Variants in ANK1 observed in about 807,000 individuals in gnomAD.
ANK1 encodes the protein ankyrin-1.
In ANK1, 51 loss-of-function variants were observed where a neutral mutation model predicts 210.4. The ratio of observed to expected loss-of-function variants is 0.24; its 90% CI spans 0.19 to 0.31. ANK1 has a LOEUF of 0.31. Among genes scored for constraint, ANK1 ranks in the 10% least tolerant of loss-of-function variants. The pLI, the probability that ANK1 is intolerant of heterozygous loss-of-function variation, is 1.00. For synonymous variants in ANK1, 967 were observed against 1,025.9 expected (o/e 0.94, Z 1.10); for missense variants, 2,051 against 2,504.4 (o/e 0.82, Z 3.86).
chr8:41,715,071 C>G lies in ANK1; in HGVS notation c.1606G>C (p.Gly536Arg). ...GCCGCCACGTGCAGAGGGGTAAATC[C>G]TTTCTGAGGAGAAACAGGCTGTCAG... ...EASQACMTKK[G>R]FTPLHVAAKY... is the part of the protein sequence containing the mutation. Residue 536 changes from glycine to arginine, a missense_variant, in exon 15 of 43, where the codon GGA (glycine) becomes CGA (arginine). Physicochemically the swap from Gly to Arg is moderately radical, Grantham distance 125. This residue lies in a region of ANK1 where 1,413 missense variants were observed against 1,707.4 expected (regional missense o/e 0.83). Transcript: ENST00000289734. The G allele has an allele frequency of 6.2e-7, 1 of 1,614,108 alleles. No individual in the cohort carries two copies. The highest frequency in any genetic ancestry group is 8.5e-7 in the Non-Finnish European group (1 of 1,180,004).
At chr8:41,661,825 A>G in intron 41 of ANK1, 51 bp downstream of exon 41, 1 of 1,614,042 alleles carries the variant, frequency 6.2e-7, no homozygotes, top group Non-Finnish European at 8.5e-7. Flanking sequence ...TAAAGTAATC[A>G]ATATCGACCT....
At chr8:41,690,158 G>A in intron 33 of ANK1, 69 bp downstream of exon 33, 1 of 1,608,590 alleles carries the variant, frequency 6.2e-7, no homozygotes, top group Non-Finnish European at 8.5e-7. Context: ...GCTGGACCTG[G>A]GGTCTGTTTG....
intron 1 of ANK1, among the ~76,000 whole-genome samples, chr8:41,864,978 C>G (rs542363322): frequency 6.6e-6 from 1 of 152,340 alleles, no homozygotes; most frequent in Non-Finnish European, 1.5e-5. Context: ...CAAGAGGGGA[C>G]CAGCCACAAA....
intron 1 of ANK1, among the ~76,000 whole-genome samples, chr8:41,895,478 A>G (rs572650746): frequency 6.6e-6 from 1 of 152,268 alleles, no homozygotes; most frequent in Non-Finnish European, 1.5e-5. Context: ...GATCAGGGGT[A>G]AGAGGACCCC....
At chr8:41,871,902 G>A (rs1815579743) in intron 1 of ANK1, among the ~76,000 whole-genome samples, 1 of 152,222 alleles carries the variant, frequency 6.6e-6, no homozygotes, top group Non-Finnish European at 1.5e-5. Context: ...AAGCAGACCT[G>A]AAAGCCCCTC....
At chr8:41,894,876 ACT>A (rs1249367310) in intron 1 of ANK1, among the ~76,000 whole-genome samples, 1 of 147,524 alleles carries the variant, frequency 6.8e-6, no homozygotes, top group Admixed American at 6.7e-5. Flanking sequence ...ACCAACCCAA[ACT>A]CTGATTCATC....
At chr8:41,732,645 G>A (rs564450564) in intron 3 of ANK1, among the ~76,000 whole-genome samples, 4 of 151,586 alleles carry the variant, frequency 2.6e-5, no homozygotes, top group Admixed American at 6.6e-5. Context: ...ACTCCTAACC[G>A]CAGATGATCT....
At chr8:41,697,346 A>T (rs1563468235) in intron 24 of ANK1, among the ~76,000 whole-genome samples, 1 of 152,204 alleles carries the variant, frequency 6.6e-6, no homozygotes, top group Non-Finnish European at 1.5e-5. Context: ...GCCCTGGCAC[A>T]GCCAGCAGCA....
At chr8:41,834,899 C>G (rs575670360) in intron 1 of ANK1, among the ~76,000 whole-genome samples, 3 of 152,354 alleles carry the variant, frequency 2.0e-5, no homozygotes, top group Admixed American at 2.0e-4. Flanking sequence ...CTACTGCTCA[C>G]CTCTTGCCAT....
intron 1 of ANK1, among the ~76,000 whole-genome samples, chr8:41,844,543 G>A (rs1221607509): frequency 6.6e-6 from 1 of 152,076 alleles, no homozygotes; most frequent in Non-Finnish European, 1.5e-5. Context: ...TGCCACAGGG[G>A]GGCGGGCAGC....
At chr8:41,876,346 T>C (rs977780646) in intron 1 of ANK1, among the ~76,000 whole-genome samples, 1 of 152,162 alleles carries the variant, frequency 6.6e-6, no homozygotes, top group Admixed American at 6.5e-5. Flanking sequence ...CCAGGTTCTC[T>C]GGCCGCGACT....
intron 21 of ANK1, 133 bp from the exon 22 acceptor site, chr8:41,701,755 C>A: frequency 1.0e-6 from 1 of 983,022 alleles, no homozygotes; most frequent in Non-Finnish European, 1.6e-6. Context: ...GGCGCTCAGC[C>A]TGGAAGCTGC....
At chr8:41,848,731 A>G (rs1411151258) in intron 1 of ANK1, among the ~76,000 whole-genome samples, 4 of 152,356 alleles carry the variant, frequency 2.6e-5, no homozygotes, top group East Asian at 3.9e-4. Context: ...GGACAGCTGA[A>G]TTTACTGCTC....
Position 41,693,997 on chromosome 8 carries a change from T to G in ANK1, c.3433A>C (p.Ile1145Leu). The G allele has an allele frequency of 1.2e-6, 2 of 1,614,024 alleles. No homozygotes were observed. Among genetic ancestry groups the G allele is most frequent in the Non-Finnish European group, 8.5e-7 (1 of 1,179,960 alleles). ...EPRRRKFHRP[I>L]GLRIPLPPSW... The stretch of plus-strand genomic sequence containing the variant: ...GGAGGTAGTGGGATCCGAAGCCCAA[T>G]GGGGCGGTGGAACTTCCGGCGCCGG... Residue 1145 changes from isoleucine (I) to leucine (L), a missense_variant, in exon 29 of 43, where the codon ATT becomes CTT. Physicochemically the swap from Ile to Leu is conservative, Grantham distance 5. Transcript: ENST00000289734.
At chr8:41,889,066 C>T (rs900639659) in intron 1 of ANK1, among the ~76,000 whole-genome samples, 1 of 152,234 alleles carries the variant, frequency 6.6e-6, no homozygotes, top group African/African-American at 2.4e-5. Flanking sequence ...GTCTTGAACT[C>T]CTAGCCTTAA....
intron 13 of ANK1, among the ~76,000 whole-genome samples, chr8:41,716,516 G>A (rs540333905): frequency 4.6e-5 from 7 of 152,234 alleles, no homozygotes; most frequent in African/African-American, 1.4e-4. Flanking sequence ...TGTTGGCCGA[G>A]TGAGCAACTG....
At chr8:41,765,018 T>C (rs1470101974) in intron 1 of ANK1, among the ~76,000 whole-genome samples, 1 of 152,146 alleles carries the variant, frequency 6.6e-6, no homozygotes, top group Non-Finnish European at 1.5e-5. Flanking sequence ...GCATACTTCT[T>C]AACTATTGTG....
upstream of ANK1, among the ~76,000 whole-genome samples, chr8:41,802,359 T>C (rs1227293262): frequency 6.6e-6 from 1 of 152,176 alleles, no homozygotes; most frequent in African/African-American, 2.4e-5. Context: ...GTGAGTTGAG[T>C]TCTGATTTTT....
intron 1 of ANK1, among the ~76,000 whole-genome samples, chr8:41,836,858 T>C (rs1310910008): frequency 6.6e-6 from 1 of 150,856 alleles, no homozygotes; most frequent in Non-Finnish European, 1.5e-5. Flanking sequence ...AGTGGAAGGC[T>C]GCAGTGAGCT....
Sources: allele counts gnomAD v4.1 joint callset (sites outside exome capture counted in the v4.1 genomes callset), GRCh38; gene constraint gnomAD v4.1.1; regional missense constraint gnomAD v4.1.1; transcripts MANE v1.5; gene names NCBI Gene and HGNC (gene_info 2026-07-23, HGNC 2026-07-21).